The following PARP8 variants were observed in gnomAD, a reference collection of about 807,000 sequenced individuals.
PARP8 encodes the protein poly(ADP-ribose) polymerase family member 8, also known as protein mono-ADP-ribosyltransferase PARP8.
PARP8 carries 51 observed loss-of-function variants against 124.1 expected under a neutral mutation model. The observed-to-expected ratio is 0.41, with a 90% CI of 0.33 to 0.52. The LOEUF is 0.52. Ranked by LOEUF, PARP8 falls within the 20% of genes least tolerant of loss-of-function variation. PARP8 has a pLI of 0.21. For synonymous variants in PARP8, 391 were observed against 361.5 expected (o/e 1.08, Z -0.93); for missense variants, 860 against 1,018.9 (o/e 0.84, Z 2.12).
At chr5:50,707,605 A>T (rs1754280412) in intron 2 of PARP8, among the ~76,000 whole-genome samples, 1 of 139,146 alleles carries the variant, frequency 7.2e-6, no homozygotes, top group African/African-American at 2.7e-5. Flanking sequence ...TGAGATAGAG[A>T]GATAGAGATA....
chr5:50,724,801 C>T (rs971328100), intron 2 of PARP8, among the ~76,000 whole-genome samples: 1 of 151,820 alleles, frequency 6.6e-6, no homozygotes, highest in African/African-American at 2.4e-5. Context: ...CACCTGTCAC[C>T]TAGGTAGTGT....
intron 14 of PARP8, among the ~76,000 whole-genome samples, chr5:50,805,280 T>C (rs1280201362): frequency 1.3e-5 from 2 of 152,126 alleles, no homozygotes; most frequent in African/African-American, 4.8e-5. Context: ...ATTGAGCTAA[T>C]ATCTATCATA....
At chr5:50,712,489 G>T (rs1754867825) in intron 2 of PARP8, among the ~76,000 whole-genome samples, 1 of 152,080 alleles carries the variant, frequency 6.6e-6, no homozygotes, top group African/African-American at 2.4e-5. Context: ...TTTATTATAA[G>T]AAATGTACAA....
intron 2 of PARP8, among the ~76,000 whole-genome samples, chr5:50,679,887 G>C (rs1467682773): frequency 6.6e-6 from 1 of 152,126 alleles, no homozygotes; most frequent in East Asian, 1.9e-4. Context: ...TAACTAATGT[G>C]AGTTAGGCAA....
chr5:50,837,229 A>G (rs184398960), intron 25 of PARP8, among the ~76,000 whole-genome samples: 3 of 152,304 alleles, frequency 2.0e-5, no homozygotes, highest in African/African-American at 7.2e-5. Flanking sequence ...TTGCTTTATG[A>G]ACACAAATGA....
chr5:50,782,430 G>A (rs991501929), intron 9 of PARP8, among the ~76,000 whole-genome samples: 11 of 152,142 alleles, frequency 7.2e-5, no homozygotes, highest in African/African-American at 2.7e-4. Context: ...AGGAAAATAT[G>A]ATTGAAAATG....
At chr5:50,789,000 C>T (rs2149635090) in intron 10 of PARP8, among the ~76,000 whole-genome samples, 2 of 152,286 alleles carry the variant, frequency 1.3e-5, no homozygotes, top group East Asian at 3.9e-4. Flanking sequence ...CTGCTCTGCT[C>T]CAGGCTGCAA....
intron 14 of PARP8, among the ~76,000 whole-genome samples, chr5:50,801,221 C>G (rs993302424): frequency 2.6e-5 from 4 of 152,052 alleles, no homozygotes; most frequent in Admixed American, 1.3e-4. Context: ...CTGCCTCAGC[C>G]TCCGAGTAGC....
chr5:50,814,578 T>G (rs1275493461), intron 14 of PARP8, among the ~76,000 whole-genome samples: 1 of 152,050 alleles, frequency 6.6e-6, no homozygotes, highest in African/African-American at 2.4e-5. Context: ...TTTCTATCTA[T>G]AAAGCCATGC....
intron 14 of PARP8, among the ~76,000 whole-genome samples, chr5:50,813,345 C>G (rs1214092409): frequency 2.6e-5 from 4 of 152,252 alleles, no homozygotes; most frequent in East Asian, 1.9e-4. Flanking sequence ...ATTTTATTCT[C>G]TTTGAAGCAA....
chr5:50,820,094 G>A (rs76568227), intron 15 of PARP8, among the ~76,000 whole-genome samples: 2,145 of 152,230 alleles, frequency 0.014, 49 homozygotes, highest in African/African-American at 0.049. Context: ...TATGTCTGGT[G>A]TCTTGAGCGT....
intron 2 of PARP8, among the ~76,000 whole-genome samples, chr5:50,732,364 A>G (rs1757054986): frequency 6.6e-6 from 1 of 152,208 alleles, no homozygotes; most frequent in South Asian, 2.1e-4. Context: ...ATTACTTATA[A>G]TTTTTAAAAC....
At position 50,666,956 on chromosome 5, in the gene PARP8, C is replaced by T. The variant is rs1227408657; in HGVS notation, c.-140C>T. 2 of 1,357,534 alleles carry T rather than the reference C, an allele frequency of 1.5e-6. No homozygotes were observed. Among genetic ancestry groups the T allele is most frequent in the African/African-American group, 1.5e-5 (1 of 67,336 alleles). The allele number at this position is 1,357,534 out of a possible 1,614,324, so 84.1% of individuals were successfully genotyped here. A position where few individuals can be genotyped will look rare whatever the true frequency, so the allele number is the denominator to read the frequency against. ...CCTCCTCTTCTCTCACCCAGGATCACTTCCGAAACCACTTCGCCTTCAGCC... is the reference window on the plus strand; with the variant it reads ...CCTCCTCTTCTCTCACCCAGGATCATTTCCGAAACCACTTCGCCTTCAGCC... On this transcript the variant is annotated 5_prime_UTR_variant, in exon 1 of 26. Transcript: ENST00000281631.
rs868831482 is a variant in PARP8, at chr5:50,815,515, T to C, written c.1659T>C (p.Thr553=). 7 of 1,592,244 alleles carry C rather than the reference T, an allele frequency of 4.4e-6. 1 individual carries two copies. Among genetic ancestry groups the C allele is most frequent in the African/African-American group, 4.1e-5 (3 of 73,020 alleles). ...ATGAAGCTGCTGATGAAATAGCAAC[T>C]GGAGCTCAGGTAGTAACACAGGATA... ...VMNEAADEIA[T]GAQVVDLLVS... Residue 553 remains threonine (T), a synonymous_variant, in exon 15 of 26, where the codon ACT becomes ACC. Coordinates refer to ENST00000281631, the MANE Select transcript of PARP8 (RefSeq NM_024615.4).
At chr5:50,695,552 T>C (rs1752934679) in intron 2 of PARP8, among the ~76,000 whole-genome samples, 1 of 152,246 alleles carries the variant, frequency 6.6e-6, no homozygotes, top group East Asian at 1.9e-4. Flanking sequence ...AACAGTTATA[T>C]AAACTAATCT....
chr5:50,822,114 A>G (rs1313023222), intron 16 of PARP8, among the ~76,000 whole-genome samples: 1 of 152,172 alleles, frequency 6.6e-6, no homozygotes, highest in African/African-American at 2.4e-5. Flanking sequence ...CATGGCTTAT[A>G]GAAGGATTGG....
chr5:50,719,780 AAG>A (rs1470537368), intron 2 of PARP8, among the ~76,000 whole-genome samples: 2 of 152,104 alleles, frequency 1.3e-5, no homozygotes, highest in African/African-American at 2.4e-5. Flanking sequence ...TAAAAGAATA[AAG>A]AGAGAAGTTA....
At chr5:50,832,906 C>G in intron 23 of PARP8, 52 bp downstream of exon 23, 1 of 1,521,236 alleles carries the variant, frequency 6.6e-7, no homozygotes, top group East Asian at 2.3e-5. Context: ...GTGGCCTCAT[C>G]AGCCAGCAGA....
At position 50,772,997 on chromosome 5, in the gene PARP8, C is replaced by T. The variant is rs529670038; in HGVS notation, c.519-5072C>T. 1.6e-4 allele frequency among the ~76,000 whole-genome samples: 24 copies of T among 152,302 alleles called. No individual in the cohort carries two copies. The East Asian group carries it at 4.4e-3, about 28-fold the overall frequency. Reference sequence around the variant, plus strand: ...ACAGGCATGAGCCACCACACCTGGACTTTTGCCCCTTTTAAAGTCAGATTA... The same window carrying T: ...ACAGGCATGAGCCACCACACCTGGATTTTTGCCCCTTTTAAAGTCAGATTA... On this transcript the variant is annotated intron_variant, in intron 7 of 25. Transcript: ENST00000281631.
Sources: allele counts gnomAD v4.1 joint callset (sites outside exome capture counted in the v4.1 genomes callset), GRCh38; gene constraint gnomAD v4.1.1; transcripts MANE v1.5; gene names NCBI Gene and HGNC (gene_info 2026-07-23, HGNC 2026-07-21).